KCNAB1: variants seen among roughly 807,000 people sequenced by gnomAD.
KCNAB1 encodes the protein potassium voltage-gated channel subfamily A regulatory beta subunit 1.
A neutral mutation model predicts 64.6 loss-of-function variants in KCNAB1; 35 were observed. The ratio of observed to expected loss-of-function variants is 0.54; its 90% CI spans 0.41 to 0.72. KCNAB1 has a LOEUF of 0.72. Ranked by LOEUF, KCNAB1 falls within the 30% of genes least tolerant of loss-of-function variation. The pLI is 0.00. For missense variants in KCNAB1, 401 were observed against 512.9 expected, an observed-to-expected ratio of 0.78 and a Z score of 2.11; for synonymous variants, 177 against 183.8, an observed-to-expected ratio of 0.96 and a Z score of 0.30.
intron 1 of KCNAB1, among the ~76,000 whole-genome samples, chr3:156,308,591 T>C (rs533012835): frequency 1.3e-5 from 2 of 152,342 alleles, no homozygotes; most frequent in Admixed American, 6.5e-5. Flanking sequence ...GGAGCTTCTC[T>C]TCTGGGGCTG....
At chr3:156,219,623 A>C (rs1369617854) in intron 1 of KCNAB1, among the ~76,000 whole-genome samples, 4 of 152,032 alleles carry the variant, frequency 2.6e-5, no homozygotes, top group African/African-American at 9.7e-5. Context: ...TGGGAAATTA[A>C]TCACAAAAAT....
chr3:156,471,948 T>G (rs1292949605), intron 7 of KCNAB1, among the ~76,000 whole-genome samples: 2 of 152,158 alleles, frequency 1.3e-5, no homozygotes, highest in East Asian at 3.9e-4. Context: ...TCAGAGAGGC[T>G]AAGGGATATC....
chr3:156,119,508 C>T (rs963309226), upstream of KCNAB1, among the ~76,000 whole-genome samples: 1 of 152,130 alleles, frequency 6.6e-6, no homozygotes, highest in Admixed American at 6.5e-5. Context: ...TAAGGACTTG[C>T]TATAACTCTA....
rs1298661188 is a variant in KCNAB1, at chr3:156,452,805, C to T, written c.320-94C>T. 4.5e-6 allele frequency: 4 copies of T among 884,192 alleles called. No homozygotes were observed. The highest frequency in any genetic ancestry group is 4.0e-5 in the Admixed American group (2 of 49,832). 54.8% of individuals were successfully genotyped at this position (884,192 alleles called of 1,614,324 possible). A position where few individuals can be genotyped will look rare whatever the true frequency, so the allele number is the denominator to read the frequency against. ...TACCTTTGTGAACTACCCATACAAC[C>T]TATTGAGGTAGTCCCAAAGTAAGAA... On this transcript the variant is annotated intron_variant, in intron 2 of 13. Coordinates refer to ENST00000490337, the MANE Select transcript of KCNAB1 (RefSeq NM_172160.3). The surrounding 1 kb of genome is among the most constrained non-coding windows in gnomAD (Gnocchi z 4.6).
At chr3:156,384,108 G>A (rs1033056566) in intron 1 of KCNAB1, among the ~76,000 whole-genome samples, 3 of 152,218 alleles carry the variant, frequency 2.0e-5, no homozygotes, top group Non-Finnish European at 4.4e-5. Context: ...TTAAAGGGTT[G>A]TATAAAATTA....
chr3:156,463,588 T>G, intron 5 of KCNAB1, 114 bp from the exon 6 acceptor site: 1 of 857,868 alleles, frequency 1.2e-6, no homozygotes, highest in Non-Finnish European at 1.8e-6. Flanking sequence ...TTACCAATTT[T>G]TAAAATGTGA....
intron 1 of KCNAB1, among the ~76,000 whole-genome samples, chr3:156,290,313 G>A (rs1479946277): frequency 1.3e-5 from 2 of 152,170 alleles, no homozygotes; most frequent in Admixed American, 1.3e-4. Context: ...GACTAATACA[G>A]TGATGGTATT....
At chr3:156,316,646 A>G (rs1343377973) in intron 1 of KCNAB1, among the ~76,000 whole-genome samples, 1 of 152,264 alleles carries the variant, frequency 6.6e-6, no homozygotes, top group Non-Finnish European at 1.5e-5. Context: ...AGCAGCTCCC[A>G]ACCCTGAAGA....
chr3:156,302,570 C>T (rs966578084), intron 1 of KCNAB1, among the ~76,000 whole-genome samples: 1 of 152,156 alleles, frequency 6.6e-6, no homozygotes, highest in African/African-American at 2.4e-5. Flanking sequence ...AGTAAGGCTA[C>T]AGCTTGGGTT....
At chr3:156,290,445 G>A (rs916300266) in intron 1 of KCNAB1, among the ~76,000 whole-genome samples, 3 of 152,178 alleles carry the variant, frequency 2.0e-5, no homozygotes, top group Non-Finnish European at 1.5e-5. Context: ...TCTGTGAGAG[G>A]GGTTTGGTTT....
chr3:156,430,973 G>T (rs1361799808), intron 2 of KCNAB1, among the ~76,000 whole-genome samples: 1 of 152,178 alleles, frequency 6.6e-6, no homozygotes, highest in Non-Finnish European at 1.5e-5. Context: ...CAGAGTTAGG[G>T]TAGACAATGA....
chr3:156,343,762 C>A (rs1724295550), intron 1 of KCNAB1, among the ~76,000 whole-genome samples: 1 of 152,174 alleles, frequency 6.6e-6, no homozygotes, highest in Non-Finnish European at 1.5e-5. Flanking sequence ...AAAGAGCCTA[C>A]TTCTTTATAG....
chr3:156,195,607 A>T (rs1369785379), intron 1 of KCNAB1, among the ~76,000 whole-genome samples: 1 of 152,178 alleles, frequency 6.6e-6, no homozygotes, highest in Non-Finnish European at 1.5e-5. Flanking sequence ...GTCTGTTCAT[A>T]TACTTTGCCC....
intron 1 of KCNAB1, among the ~76,000 whole-genome samples, chr3:156,157,414 A>G (rs1473564810): frequency 2.0e-5 from 3 of 152,202 alleles, no homozygotes; most frequent in Non-Finnish European, 4.4e-5. Context: ...ATACTTATAA[A>G]GCTGGATTAT....
At chr3:156,236,101 A>T (rs955570554) in intron 1 of KCNAB1, among the ~76,000 whole-genome samples, 5 of 152,308 alleles carry the variant, frequency 3.3e-5, no homozygotes, top group South Asian at 4.1e-4. Flanking sequence ...AACAATAACA[A>T]TAATCACAAT....
intron 1 of KCNAB1, among the ~76,000 whole-genome samples, chr3:156,371,400 G>A (rs1384362295): frequency 2.6e-5 from 4 of 152,166 alleles, no homozygotes; most frequent in South Asian, 2.1e-4. Flanking sequence ...ACAAATGTTT[G>A]CTTCTAACAT....
intron 1 of KCNAB1, among the ~76,000 whole-genome samples, chr3:156,246,143 A>G (rs1011816067): frequency 6.6e-6 from 1 of 152,186 alleles, no homozygotes; most frequent in African/African-American, 2.4e-5. Context: ...TGAATCCCCT[A>G]TAATCATAGC....
intron 1 of KCNAB1, among the ~76,000 whole-genome samples, chr3:156,270,861 T>A (rs1014005345): frequency 1.3e-5 from 2 of 152,216 alleles, no homozygotes; most frequent in African/African-American, 4.8e-5. Context: ...GCATTTCTCG[T>A]GGGACAGGAC....
At chr3:156,254,786 G>A (rs1718011511) in intron 1 of KCNAB1, among the ~76,000 whole-genome samples, 1 of 152,168 alleles carries the variant, frequency 6.6e-6, no homozygotes, top group Non-Finnish European at 1.5e-5. Flanking sequence ...GTAATGGTTG[G>A]TCCGATTTCA....
Sources: allele counts gnomAD v4.1 joint callset (sites outside exome capture counted in the v4.1 genomes callset), GRCh38; gene constraint gnomAD v4.1.1; non-coding constraint Gnocchi (gnomAD v3.1); transcripts MANE v1.5; gene names NCBI Gene and HGNC (gene_info 2026-07-23, HGNC 2026-07-21).